CRMP1: variants seen among roughly 807,000 people sequenced by gnomAD.
CRMP1 encodes the protein collapsin response mediator protein 1, also known as dihydropyrimidinase-related protein 1.
Under a neutral mutation model 68.3 loss-of-function variants are expected in CRMP1, and 19 were observed. The observed-to-expected ratio is 0.28, with a 90% CI of 0.19 to 0.41. CRMP1 has a LOEUF of 0.41. Ranked by LOEUF, CRMP1 falls within the 10% of genes least tolerant of loss-of-function variation. CRMP1 has a pLI of 1.00. For synonymous variants in CRMP1, 439 were observed against 399.6 expected, an observed-to-expected ratio of 1.10 and a Z score of -1.18; for missense variants, 791 against 967.4, an observed-to-expected ratio of 0.82 and a Z score of 2.42.
rs1712939406 is a variant in CRMP1, at chr4:5,854,953, C to T, written c.820+1190G>A. 6.6e-6 allele frequency among the ~76,000 whole-genome samples: 1 copy of T among 152,036 alleles called. No homozygotes were observed. Among genetic ancestry groups the T allele is most frequent in the African/African-American group, 2.4e-5 (1 of 41,386 alleles). On this transcript the variant is annotated intron_variant, in intron 4 of 13. Coordinates refer to ENST00000324989, the MANE Select transcript of CRMP1 (RefSeq NM_001014809.3). The surrounding 1 kb of genome is among the most constrained non-coding windows in gnomAD (Gnocchi z 4.0). ...TTATATACAAAGATGTTCACCGTAA[C>T]AGGATTTATAATAAAACGAATAGAA...
Position 5,825,732 on chromosome 4 carries a change from C to G in CRMP1, c.1804-73G>C. On this transcript the variant is annotated intron_variant, in intron 12 of 13. Coordinates refer to ENST00000324989, the MANE Select transcript of CRMP1 (RefSeq NM_001014809.3). The surrounding 1 kb of genome is among the most constrained non-coding windows in gnomAD (Gnocchi z 4.4). ...GCCCTTCTGGGCAGATAAAGCAGAG[C>G]CCTGCGGGCGAGAGAGAAACCTGAG... The G allele has an allele frequency of 2.0e-6, 3 of 1,524,040 alleles. No individual in the cohort carries two copies. Among genetic ancestry groups the G allele is most frequent in the South Asian group, 2.4e-5 (2 of 81,800 alleles). The allele number at this position is 1,524,040 out of a possible 1,614,324, so 94.4% of individuals were successfully genotyped here. A position where few individuals can be genotyped will look rare whatever the true frequency, so the allele number is the denominator to read the frequency against.
rs542807022 is a variant in CRMP1, at chr4:5,869,125, A to T, written c.382-2369T>A. On this transcript the variant is annotated intron_variant, in intron 1 of 13. Transcript: ENST00000324989. The stretch of plus-strand genomic sequence containing the variant: ...GTGCCACCACACCTGGCTAATTTAA[A>T]TTTTTTTTGTAGAGATGGGGTCTCA... Among the ~76,000 whole-genome samples the T allele has an allele frequency of 5.9e-5, 9 of 151,696 alleles. No homozygotes were observed. In the South Asian group the frequency reaches 1.0e-3, roughly 18 times the overall value.
In CRMP1 at chr4:5,865,538, T is replaced by C. The variant is rs1005021298; in HGVS notation, c.470+1130A>G. On this transcript the variant is annotated intron_variant, in intron 2 of 13. Coordinates refer to ENST00000324989, the MANE Select transcript of CRMP1 (RefSeq NM_001014809.3). This position sits in a 1 kb window ranked among gnomAD's most constrained non-coding sequence, Gnocchi z 4.1. ...CGGGAGGCTGAGGCAGGGGAGTCGA[T>C]TGAACCCGGGAAGTGGAGGTTGCAG... 4.6e-5 allele frequency among the ~76,000 whole-genome samples: 7 copies of C among 151,294 alleles called. No homozygotes were observed. The highest frequency in any genetic ancestry group is 2.1e-4 in the South Asian group (1 of 4,762).
chr4:5,832,928 G>A (rs565555694), intron 11 of CRMP1, among the ~76,000 whole-genome samples: 10 of 152,220 alleles, frequency 6.6e-5, no homozygotes, highest in Non-Finnish European at 1.5e-4. Context: ...ACATTGGGGT[G>A]TGGTAGGCGC....
At chr4:5,846,994 G>A (rs565050879) in intron 6 of CRMP1, among the ~76,000 whole-genome samples, 2 of 152,156 alleles carry the variant, frequency 1.3e-5, no homozygotes, top group East Asian at 3.9e-4. Flanking sequence ...TCACGAAAAA[G>A]GATGGATGAC....
At chr4:5,887,023 G>A (rs1282645528) in intron 1 of CRMP1, among the ~76,000 whole-genome samples, 1 of 152,216 alleles carries the variant, frequency 6.6e-6, no homozygotes, top group Non-Finnish European at 1.5e-5. Context: ...TGGGGCGGAT[G>A]CAGGACAGTG....
chr4:5,857,837 CT>C (rs942867759), intron 3 of CRMP1, among the ~76,000 whole-genome samples: 1 of 152,036 alleles, frequency 6.6e-6, no homozygotes, highest in Non-Finnish European at 1.5e-5. Flanking sequence ...CTTCATCATC[CT>C]TTTTTCAAAT....
At chr4:5,845,186 T>A (rs562169396) in intron 6 of CRMP1, among the ~76,000 whole-genome samples, 2 of 152,328 alleles carry the variant, frequency 1.3e-5, no homozygotes, top group African/African-American at 4.8e-5. Context: ...TGACTCCCAG[T>A]GATCCCGCCT....
chr4:5,841,264 C>T lies in CRMP1; in HGVS notation c.1153+44G>A, dbSNP rs773782297. On this transcript the variant is annotated intron_variant, in intron 8 of 13. Transcript: ENST00000324989. The surrounding 1 kb of genome is among the most constrained non-coding windows in gnomAD (Gnocchi z 6.9). ...ACTTGAACCTGCAGGACACCCCCTTCCAGGCCCCAGCTGCCCCCAGAAGGC... is the reference window on the plus strand; with the variant it reads ...ACTTGAACCTGCAGGACACCCCCTTTCAGGCCCCAGCTGCCCCCAGAAGGC... The T allele has an allele frequency of 8.1e-6, 13 of 1,613,432 alleles. No individual in the cohort carries two copies. The South Asian group carries it at 1.3e-4, about 16-fold the overall frequency.
Position 5,841,063 on chromosome 4 carries a change from C to T in CRMP1, c.1153+245G>A, listed in dbSNP as rs1354213162. ...GACATGCTGAATTAATATGTGGATC[C>T]ATTAGATTAAACATAATATATTATT... On this transcript the variant is annotated intron_variant, in intron 8 of 13. Transcript: ENST00000324989. The surrounding 1 kb of genome is among the most constrained non-coding windows in gnomAD (Gnocchi z 6.9). Among the ~76,000 whole-genome samples, 1 of 152,152 alleles carries T rather than the reference C, an allele frequency of 6.6e-6. No individual in the cohort carries two copies. Among genetic ancestry groups the T allele is most frequent in the Non-Finnish European group, 1.5e-5 (1 of 68,016 alleles).
At chr4:5,851,357 G>T (rs1452265321) in intron 5 of CRMP1, 51 bp downstream of exon 5, 1 of 1,544,170 alleles carries the variant, frequency 6.5e-7, no homozygotes. Flanking sequence ...TGGCAAAGCT[G>T]GCCCAGTCCT....
Position 5,841,763 on chromosome 4 carries a change from C to T in CRMP1, c.1033-335G>A, listed in dbSNP as rs1256255175. ...AGAGCACTGGGTGGGATCTCAAGCCCCTCAGGACACGGAACCTGTCCACTC... is the reference window on the plus strand; with the variant it reads ...AGAGCACTGGGTGGGATCTCAAGCCTCTCAGGACACGGAACCTGTCCACTC... On this transcript the variant is annotated intron_variant, in intron 7 of 13. Coordinates refer to ENST00000324989, the MANE Select transcript of CRMP1 (RefSeq NM_001014809.3). The surrounding 1 kb of genome is among the most constrained non-coding windows in gnomAD (Gnocchi z 6.9). Among the ~76,000 whole-genome samples, 1 of 152,182 alleles carries T rather than the reference C, an allele frequency of 6.6e-6. No individual in the cohort carries two copies. The highest frequency in any genetic ancestry group is 1.5e-5 in the Non-Finnish European group (1 of 68,032).
chr4:5,890,722 C>T lies in CRMP1; in HGVS notation c.381+1867G>A, dbSNP rs1026287211. 1.3e-5 allele frequency among the ~76,000 whole-genome samples: 2 copies of T among 152,140 alleles called. No individual in the cohort carries two copies. The highest frequency in any genetic ancestry group is 4.8e-5 in the African/African-American group (2 of 41,440). On this transcript the variant is annotated intron_variant, in intron 1 of 13. Coordinates refer to ENST00000324989, the MANE Select transcript of CRMP1 (RefSeq NM_001014809.3). This position sits in a 1 kb window ranked among gnomAD's most constrained non-coding sequence, Gnocchi z 5.5. ...GGGGAGAGGAACGGGAGAGGTGAAGCGACCAGCGTCCCCAAGGGTCAGGGC... is the reference window on the plus strand; with the variant it reads ...GGGGAGAGGAACGGGAGAGGTGAAGTGACCAGCGTCCCCAAGGGTCAGGGC...
In CRMP1 at chr4:5,825,468, G is replaced by C. The variant is rs766335657; in HGVS notation, c.1969+26C>G. The stretch of plus-strand genomic sequence containing the variant: ...CGGCCTGAACTGCTGCAATTGTGGG[G>C]AGCCTGGGCCACCACTCTTTCCTAC... On this transcript the variant is annotated intron_variant, in intron 13 of 13. Coordinates refer to ENST00000324989, the MANE Select transcript of CRMP1 (RefSeq NM_001014809.3). The surrounding 1 kb of genome is among the most constrained non-coding windows in gnomAD (Gnocchi z 4.4). The C allele has an allele frequency of 2.6e-6, 4 of 1,543,810 alleles. No individual in the cohort carries two copies. Among genetic ancestry groups the C allele is most frequent in the Non-Finnish European group, 3.5e-6 (4 of 1,153,146 alleles).
At position 5,839,691 on chromosome 4, in the gene CRMP1, A is replaced by G; in HGVS notation, c.1154-13T>C. 1 of 1,559,458 alleles carries G rather than the reference A, an allele frequency of 6.4e-7. No individual in the cohort carries two copies. Among genetic ancestry groups the G allele is most frequent in the African/African-American group, 2.0e-5 (1 of 50,122 alleles). The stretch of plus-strand genomic sequence containing the variant: ...AAAACTAGGGGCCCTTAGGAGGGGA[A>G]AACATAAGCCTGGTTAAAAGCAAAT... On this transcript the variant is annotated splice_polypyrimidine_tract_variant and intron_variant, in intron 8 of 13. Transcript: ENST00000324989.
At position 5,821,892 on chromosome 4, in the gene CRMP1, G is replaced by A. The variant is rs191530433; in HGVS notation, c.1970-41C>T. ...AATCGCTGCTGGATGGGATCTGTTA[G>A]CATCAGTTCCACGCTGCTCCTGGAG... On this transcript the variant is annotated intron_variant, in intron 13 of 13. Coordinates refer to ENST00000324989, the MANE Select transcript of CRMP1 (RefSeq NM_001014809.3). The surrounding 1 kb of genome is among the most constrained non-coding windows in gnomAD (Gnocchi z 4.4). The A allele has an allele frequency of 1.0e-3, 1,459 of 1,463,516 alleles. 11 individuals are homozygous for A. In the African/African-American group the frequency reaches 0.019, roughly 19 times the overall value. 90.7% of individuals were successfully genotyped at this position (1,463,516 alleles called of 1,614,324 possible).
chr4:5,892,820 G>C lies in CRMP1; in HGVS notation c.150C>G (p.Phe50Leu), dbSNP rs1163278443. 2.1e-5 allele frequency: 29 copies of C among 1,400,734 alleles called. No homozygotes were observed. The highest frequency in any genetic ancestry group is 2.5e-5 in the Non-Finnish European group (27 of 1,064,786). The allele number at this position is 1,400,734 out of a possible 1,614,324, so 86.8% of individuals were successfully genotyped here. A position where few individuals can be genotyped will look rare whatever the true frequency, so the allele number is the denominator to read the frequency against. ...EGAYENKTIDFDAYSVGRRGS... is the reference protein window; with the variant it reads ...EGAYENKTIDLDAYSVGRRGS... Reference sequence around the variant, plus strand: ...CGCGGCGGCCCACACTGTAGGCGTCGAAGTCGATGGTCTTGTTCTCGTAGG... The same window carrying C: ...CGCGGCGGCCCACACTGTAGGCGTCCAAGTCGATGGTCTTGTTCTCGTAGG... Residue 50 changes from phenylalanine (F) to leucine (L), a missense_variant, in exon 1 of 14, where the codon TTC becomes TTG. Around this residue, in one of 3 missense-constraint regions of CRMP1, gnomAD observed 193 missense variants for 186.3 expected, o/e 1.04. Coordinates refer to ENST00000324989, the MANE Select transcript of CRMP1 (RefSeq NM_001014809.3). This position sits in a 1 kb window ranked among gnomAD's most constrained non-coding sequence, Gnocchi z 8.6.
At chr4:5,885,500 G>C (rs1715519319) in intron 1 of CRMP1, among the ~76,000 whole-genome samples, 1 of 152,194 alleles carries the variant, frequency 6.6e-6, no homozygotes, top group Non-Finnish European at 1.5e-5. Flanking sequence ...TTCATGATTT[G>C]ATCTAACTGT....
At chr4:5,836,285 G>GTA (rs531990388) in intron 10 of CRMP1, among the ~76,000 whole-genome samples, 200 bp from the exon 11 acceptor site, 6 of 152,160 alleles carry the variant, frequency 3.9e-5, no homozygotes, top group Non-Finnish European at 8.8e-5. Context: ...CCGCACAGAG[G>GTA]TATGTTGACG....
Sources: allele counts gnomAD v4.1 joint callset (sites outside exome capture counted in the v4.1 genomes callset), GRCh38; gene constraint gnomAD v4.1.1; regional missense constraint gnomAD v4.1.1; non-coding constraint Gnocchi (gnomAD v3.1); transcripts MANE v1.5; gene names NCBI Gene and HGNC (gene_info 2026-07-23, HGNC 2026-07-21).